The following TTC34 variants were observed in gnomAD, a reference collection of about 807,000 sequenced individuals.
TTC34 encodes the protein tetratricopeptide repeat domain 34, also known as tetratricopeptide repeat protein 34.
In TTC34, 44 loss-of-function variants were observed where a neutral mutation model predicts 40.7. The ratio of observed to expected loss-of-function variants is 1.08; its 90% CI spans 0.85 to 1.39. The LOEUF is 1.39. Ranked by LOEUF, TTC34 falls within the 40% of genes most tolerant of loss-of-function variation. The pLI is 0.00. For synonymous variants in TTC34, 422 were observed against 398.6 expected (o/e 1.06, Z -0.70); for missense variants, 884 against 838.0 (o/e 1.05, Z -0.68).
chr1:2,758,018 T>C (rs1377442539), intron 6 of TTC34, among the ~76,000 whole-genome samples: 419 of 28,724 alleles, frequency 0.015, no homozygotes, highest in African/African-American at 0.035. Flanking sequence ...TGACAGCATG[T>C]AACAGCACCC....
At chr1:2,790,082 A>C (rs897696725) in exon 3 of TTC34, 22 of 397,898 alleles carry the variant, frequency 5.5e-5, no homozygotes, top group Non-Finnish European at 9.3e-5. Context: ...CGGGGCCAGC[A>C]GCTCGCGGCC....
chr1:2,778,067 C>T (rs564379305), intron 6 of TTC34, among the ~76,000 whole-genome samples: 1 of 152,358 alleles, frequency 6.6e-6, no homozygotes, highest in African/African-American at 2.4e-5. Context: ...GGGGCCCAGG[C>T]TGGCACAGAA....
chr1:2,655,527 C>A (rs1274107783), intron 6 of TTC34, among the ~76,000 whole-genome samples: 10 of 145,358 alleles, frequency 6.9e-5, no homozygotes, highest in African/African-American at 2.6e-4. Flanking sequence ...TGGAGCAGCA[C>A]GCACACCCCC....
intron 6 of TTC34, among the ~76,000 whole-genome samples, chr1:2,650,482 A>G (rs536415454): frequency 6.7e-6 from 1 of 149,546 alleles, no homozygotes; most frequent in African/African-American, 2.5e-5. Flanking sequence ...GCTTGTGACA[A>G]TCTGGAACAG....
chr1:2,798,571 C>A (rs1643736095), intron 2 of TTC34, among the ~76,000 whole-genome samples: 1 of 118,294 alleles, frequency 8.5e-6, no homozygotes, highest in Non-Finnish European at 1.8e-5. Context: ...CCCAGCCTCC[C>A]AGCCCCTCAG....
At position 2,645,477 on chromosome 1, in the gene TTC34, C is replaced by T. The variant is rs537936964; in HGVS notation, c.2313G>A (p.Gln771=). 365 of 1,511,774 alleles carry T rather than the reference C, an allele frequency of 2.4e-4. No homozygotes were observed. Among genetic ancestry groups the T allele is most frequent in the Admixed American group, 6.4e-4 (32 of 49,634 alleles). 93.6% of individuals were successfully genotyped at this position (1,511,774 alleles called of 1,614,324 possible). Residue 771 remains glutamine (Q), a synonymous_variant, in exon 7 of 9, where the codon CAG becomes CAA. Coordinates refer to ENST00000401095, the Ensembl canonical transcript of TTC34. This position sits in a 1 kb window ranked among gnomAD's most constrained non-coding sequence, Gnocchi z 4.7. Reference sequence around the variant, plus strand: ...AGTAGAGGCCCTGTGTGATGAGGGCCTGGGCTTCCGGCTTCAGAGAGCGGA... The same window carrying T: ...AGTAGAGGCCCTGTGTGATGAGGGCTTGGGCTTCCGGCTTCAGAGAGCGGA...
intron 6 of TTC34, among the ~76,000 whole-genome samples, chr1:2,769,717 G>A (rs200696086): frequency 5.0e-5 from 5 of 99,626 alleles, no homozygotes; most frequent in Non-Finnish European, 7.5e-5. Context: ...CACACCCCCA[G>A]GTGAGCATCT....
chr1:2,640,774 G>C (rs1029355078), exon 9 of TTC34: 11 of 151,598 alleles, frequency 7.3e-5, no homozygotes, highest in Non-Finnish European at 1.5e-4. Flanking sequence ...CCTCAAACCT[G>C]TCCAACCTGT....
rs866951848 is a variant in TTC34 at position 2,683,902 on chromosome 1, C to T, written c.2227-38339G>A. Among the ~76,000 whole-genome samples the T allele has an allele frequency of 7.0e-5, 10 of 142,122 alleles. No individual in the cohort carries two copies. In the South Asian group the frequency reaches 1.1e-3, roughly 15 times the overall value. The allele number at this position is 142,122 out of a possible 152,430, so 93.2% of individuals were successfully genotyped here. A position where few individuals can be genotyped will look rare whatever the true frequency, so the allele number is the denominator to read the frequency against. ...GAGGCGAGCATCTGACAGCCTGGGT[C>T]GGCACCCACACCTCCAGGTGAGCAT... is the stretch of plus-strand genomic sequence containing the variant. On this transcript the variant is annotated intron_variant, in intron 6 of 8. Transcript: ENST00000401095.
chr1:2,682,008 C>A (rs1328133348), intron 6 of TTC34, among the ~76,000 whole-genome samples: 2 of 120,026 alleles, frequency 1.7e-5, no homozygotes, highest in Non-Finnish European at 3.6e-5. Context: ...ATCAGACAGC[C>A]TGGAACAACA....
intron 6 of TTC34, among the ~76,000 whole-genome samples, chr1:2,695,781 G>A (rs1177101069): frequency 2.6e-5 from 4 of 151,600 alleles, no homozygotes; most frequent in African/African-American, 7.3e-5. Context: ...TGACAGGCTG[G>A]AGCAGCACGC....
At chr1:2,776,488 G>A (rs1249383333) in intron 6 of TTC34, 3 of 72,846 alleles carry the variant, frequency 4.1e-5, no homozygotes, top group African/African-American at 8.9e-5. Context: ...ACCCCCTTCA[G>A]GTGAGCATCT....
chr1:2,641,717 A>T, exon 9 of TTC34: 1 of 1,535,476 alleles, frequency 6.5e-7, no homozygotes. Context: ...CGCCTCCTGG[A>T]GCACATGGTC....
intron 6 of TTC34, among the ~76,000 whole-genome samples, chr1:2,749,366 C>G (rs1277745693): frequency 1.1e-5 from 1 of 92,456 alleles, no homozygotes; most frequent in African/African-American, 6.1e-5. Context: ...CCCACATGCC[C>G]AGGTGAGACC....
At chr1:2,653,367 C>T (rs1371426791) in intron 6 of TTC34, among the ~76,000 whole-genome samples, 2 of 151,562 alleles carry the variant, frequency 1.3e-5, no homozygotes, top group African/African-American at 4.9e-5. Flanking sequence ...AGCACCCACA[C>T]CCCCAGGCGA....
intron 8 of TTC34, 38 bp from the exon 9 acceptor site, chr1:2,641,933 G>A: frequency 7.0e-7 from 1 of 1,437,608 alleles, no homozygotes; most frequent in Non-Finnish European, 9.1e-7. Flanking sequence ...GGAGAGTGGG[G>A]TCAGCCCCAA....
chr1:2,753,022 T>G (rs1641376336), intron 6 of TTC34, among the ~76,000 whole-genome samples: 2 of 147,388 alleles, frequency 1.4e-5, no homozygotes, highest in African/African-American at 2.5e-5. Context: ...CACCTCCAGG[T>G]GAGCATCCGA....
At chr1:2,751,334 C>G (rs1334108701) in intron 6 of TTC34, among the ~76,000 whole-genome samples, 1 of 120,324 alleles carries the variant, frequency 8.3e-6, no homozygotes, top group African/African-American at 3.3e-5. Context: ...CACCCCCAGG[C>G]GAGCATCTGA....
rs1008620494 is a variant in TTC34, at chr1:2,643,959, G to T, written c.2712+305C>A. ...TGGGGTGGGCTTCCTGCCGGGCAAG[G>T]TGCCCCTGGCTGGCTCAGTCTGGCC... is the stretch of plus-strand genomic sequence containing the variant. On this transcript the variant is annotated intron_variant, in intron 8 of 8. Coordinates refer to ENST00000401095, the Ensembl canonical transcript of TTC34. Among the ~76,000 whole-genome samples, 13 of 152,344 alleles carry T rather than the reference G, an allele frequency of 8.5e-5. No homozygotes were observed. The East Asian group carries it at 1.5e-3, about 18-fold the overall frequency.
Sources: allele counts gnomAD v4.1 joint callset (sites outside exome capture counted in the v4.1 genomes callset), GRCh38; gene constraint gnomAD v4.1.1; non-coding constraint Gnocchi (gnomAD v3.1); transcripts MANE v1.5; gene names NCBI Gene and HGNC (gene_info 2026-07-23, HGNC 2026-07-21).